TAFA1: variants seen among roughly 807,000 people sequenced by gnomAD.
TAFA1 encodes chemokine-like protein TAFA-1.
TAFA1 carries 4 observed loss-of-function variants against 18.5 expected under a neutral mutation model. The ratio of observed to expected loss-of-function variants is 0.22; its 90% CI spans 0.11 to 0.49. TAFA1 has a LOEUF of 0.49. Ranked by LOEUF, TAFA1 falls within the 20% of genes least tolerant of loss-of-function variation. The probability of loss-of-function intolerance (pLI) is 0.98; values close to 1 mark genes in which losing one functional copy is unlikely to be tolerated. For missense variants in TAFA1, 147 were observed against 169.0 expected (o/e 0.87, Z 0.72); for synonymous variants, 56 against 55.2 (o/e 1.01, Z -0.06).
chr3:68,469,890 C>G (rs1054980354), intron 3 of TAFA1, among the ~76,000 whole-genome samples: 2 of 152,114 alleles, frequency 1.3e-5, no homozygotes, highest in Non-Finnish European at 2.9e-5. Flanking sequence ...TATAGGGACA[C>G]TGAAGGATTG....
chr3:68,530,743 A>G (rs945006904), intron 3 of TAFA1, among the ~76,000 whole-genome samples: 2 of 152,178 alleles, frequency 1.3e-5, no homozygotes, highest in African/African-American at 4.8e-5. Flanking sequence ...GTAACTAGTG[A>G]AATCAAGTAA....
chr3:68,397,177 G>A (rs1419625590), intron 2 of TAFA1, among the ~76,000 whole-genome samples: 1 of 152,048 alleles, frequency 6.6e-6, no homozygotes, highest in Non-Finnish European at 1.5e-5. Flanking sequence ...TAAGTTCCGA[G>A]TACATGTACA....
At chr3:68,320,466 G>A (rs1176289464) in intron 2 of TAFA1, among the ~76,000 whole-genome samples, 1 of 152,176 alleles carries the variant, frequency 6.6e-6, no homozygotes, top group Non-Finnish European at 1.5e-5. Flanking sequence ...ACTGGGAAAG[G>A]AGACTCAGGG....
At chr3:68,099,818 A>T (rs896803020) in intron 2 of TAFA1, among the ~76,000 whole-genome samples, 2 of 152,178 alleles carry the variant, frequency 1.3e-5, no homozygotes, top group African/African-American at 2.4e-5. Flanking sequence ...ACACAGCCAT[A>T]AAAAAGAATG....
At chr3:68,329,326 A>C (rs535719170) in intron 2 of TAFA1, among the ~76,000 whole-genome samples, 17 of 147,680 alleles carry the variant, frequency 1.2e-4, no homozygotes, top group Non-Finnish European at 2.4e-4. Context: ...TTGGCCTCCC[A>C]AAGTGCTGGG....
At chr3:68,076,271 G>T (rs1408780818) in intron 2 of TAFA1, among the ~76,000 whole-genome samples, 1 of 139,880 alleles carries the variant, frequency 7.1e-6, no homozygotes, top group East Asian at 2.2e-4. Flanking sequence ...TTTTTCCATT[G>T]TTCCTACTTC....
the TAFA1 span, among the ~76,000 whole-genome samples, chr3:67,995,029 C>G: frequency 6.6e-6 from 1 of 151,994 alleles, no homozygotes; most frequent in African/African-American, 2.4e-5. Context: ...ATGATCTACA[C>G]AGTTAAATAT....
intron 2 of TAFA1, among the ~76,000 whole-genome samples, chr3:68,190,815 C>T (rs2066328671): frequency 6.6e-6 from 1 of 151,580 alleles, no homozygotes; most frequent in South Asian, 2.1e-4. Flanking sequence ...TCATTTATTC[C>T]TAATTAACTA....
intron 2 of TAFA1, among the ~76,000 whole-genome samples, chr3:68,232,707 G>T (rs1031719974): frequency 5.1e-4 from 77 of 152,008 alleles, no homozygotes; most frequent in African/African-American, 1.7e-3. Context: ...CTGGATTCAA[G>T]TGATCCTCCC....
At chr3:68,119,595 G>A (rs772256332) in intron 2 of TAFA1, among the ~76,000 whole-genome samples, 5 of 150,748 alleles carry the variant, frequency 3.3e-5, no homozygotes, top group Non-Finnish European at 7.4e-5. Context: ...TTTTGCGTGT[G>A]GATATCCAGT....
At chr3:68,134,397 C>T (rs2065581852) in intron 2 of TAFA1, among the ~76,000 whole-genome samples, 1 of 151,984 alleles carries the variant, frequency 6.6e-6, no homozygotes, top group Non-Finnish European at 1.5e-5. Flanking sequence ...TATACACGTA[C>T]ATATGGTTGT....
chr3:68,285,508 A>G (rs1299880025), intron 2 of TAFA1, among the ~76,000 whole-genome samples: 1 of 152,178 alleles, frequency 6.6e-6, no homozygotes, highest in Non-Finnish European at 1.5e-5. Context: ...ATTTATATAT[A>G]GCAACTATAT....
At chr3:68,260,174 T>C (rs2067385720) in intron 2 of TAFA1, among the ~76,000 whole-genome samples, 1 of 152,178 alleles carries the variant, frequency 6.6e-6, no homozygotes. Context: ...TCAAAGGCCT[T>C]TTCTGCATCT....
In TAFA1 at chr3:68,224,659, C is replaced by T. The variant is rs146504650; in HGVS notation, c.119-192621C>T. ...TAGAGTCACCCTCCTGGTTGAAGCTCATAGGCTCTCATTTATGGCAGTTCC... is the reference window on the plus strand; with the variant it reads ...TAGAGTCACCCTCCTGGTTGAAGCTTATAGGCTCTCATTTATGGCAGTTCC... On this transcript the variant is annotated intron_variant, in intron 2 of 4. Coordinates refer to ENST00000478136, the MANE Select transcript of TAFA1 (RefSeq NM_213609.4). 1.2e-4 allele frequency among the ~76,000 whole-genome samples: 18 copies of T among 152,260 alleles called. No homozygotes were observed. The East Asian group carries it at 3.3e-3, about 28-fold the overall frequency.
intron 2 of TAFA1, among the ~76,000 whole-genome samples, chr3:68,302,090 C>G (rs1183702747): frequency 6.6e-6 from 1 of 152,078 alleles, no homozygotes; most frequent in Non-Finnish European, 1.5e-5. Context: ...ATAAAATGAT[C>G]ACTACAGAAG....
At chr3:68,253,675 T>G (rs1354611315) in intron 2 of TAFA1, among the ~76,000 whole-genome samples, 1 of 152,206 alleles carries the variant, frequency 6.6e-6, no homozygotes, top group Non-Finnish European at 1.5e-5. Context: ...TTGGCAGCAA[T>G]GCTAGATAGT....
intron 2 of TAFA1, among the ~76,000 whole-genome samples, chr3:68,129,017 A>G (rs2065506649): frequency 6.6e-6 from 1 of 152,210 alleles, no homozygotes; most frequent in Non-Finnish European, 1.5e-5. Context: ...CAAAGTGACA[A>G]GCTAGTCTAA....
At chr3:68,382,901 C>T (rs73101171) in intron 2 of TAFA1, among the ~76,000 whole-genome samples, 18,478 of 151,976 alleles carry the variant, frequency 0.12, 1,668 homozygotes, top group East Asian at 0.39. Context: ...TTTTATAGTT[C>T]TTTCTGTAAA....
rs150029987 is a variant in TAFA1, at chr3:68,356,074, C to G, written c.119-61206C>G. Among the ~76,000 whole-genome samples the G allele has an allele frequency of 4.9e-3, 743 of 151,984 alleles. 5 individuals carry two copies. The highest frequency in any genetic ancestry group is 0.027 in the Middle Eastern group (8 of 294). ...CAATAGCCACAAGTGGCTAGCGGCT[C>G]CTTTATTAGACAACACAAATGTAGA... On this transcript the variant is annotated intron_variant, in intron 2 of 4. Coordinates refer to ENST00000478136, the MANE Select transcript of TAFA1 (RefSeq NM_213609.4).
Sources: allele counts gnomAD v4.1 joint callset (sites outside exome capture counted in the v4.1 genomes callset), GRCh38; gene constraint gnomAD v4.1.1; transcripts MANE v1.5; gene names NCBI Gene and HGNC (gene_info 2026-07-23, HGNC 2026-07-21).